The following KLHL12 variants were observed in gnomAD, a reference collection of about 807,000 sequenced individuals.
KLHL12 encodes kelch like family member 12.
Under a neutral mutation model 60.8 loss-of-function variants are expected in KLHL12, and 17 were observed. The observed-to-expected ratio is 0.28, with a 90% CI of 0.19 to 0.42. The LOEUF (loss-of-function observed/expected upper bound fraction) is 0.42, where lower values mean the gene tolerates loss of function less well. KLHL12 is among the 10% of genes least tolerant of loss of function. The probability of loss-of-function intolerance (pLI) is 1.00; values close to 1 mark genes in which losing one functional copy is unlikely to be tolerated. For synonymous variants in KLHL12, 220 were observed against 250.9 expected (o/e 0.88, Z 1.16); for missense variants, 468 against 722.3 (o/e 0.65, Z 4.04).
intron 6 of KLHL12, among the ~76,000 whole-genome samples, chr1:202,903,409 C>T (rs2102419979): frequency 7.0e-6 from 1 of 142,524 alleles, no homozygotes. Flanking sequence ...CTTTACTTGC[C>T]CTTCTGCGAA....
rs1335675009 is a variant in KLHL12 at position 202,911,058 on chromosome 1, G to C, written c.713C>G (p.Ala238Gly). ...TPRYITDVID[A>G]EPFIRCSLQC... is the part of the protein sequence containing the mutation. ...TGAGAGTGTTGCACTACTTACCTCA[G>C]CATCTATTACATCTGTGATATACCT... Residue 238 changes from alanine (A) to glycine (G), a missense_variant, in exon 5 of 12, where the codon GCT becomes GGT. Physicochemically the swap from Ala to Gly is moderately conservative, Grantham distance 60. Coordinates refer to ENST00000367261, the MANE Select transcript of KLHL12 (RefSeq NM_021633.4). 1 of 1,613,952 alleles carries C rather than the reference G, an allele frequency of 6.2e-7. No homozygotes were observed. The highest frequency in any genetic ancestry group is 1.7e-5 in the Admixed American group (1 of 59,998).
rs1165987448 is a variant in KLHL12 at position 202,906,181 on chromosome 1, G to A, written c.832+2829C>T. Among the ~76,000 whole-genome samples, 49 of 147,856 alleles carry A rather than the reference G, an allele frequency of 3.3e-4. 1 individual carries two copies. Among genetic ancestry groups the A allele is most frequent in the Admixed American group, 7.4e-4 (11 of 14,902 alleles). ...AAAAACAAAAGTAATGGCCAGGCGC[G>A]GTGGCTCATGCCCGTAATCCCAGCA... is the stretch of plus-strand genomic sequence containing the variant. On this transcript the variant is annotated intron_variant, in intron 6 of 11. Transcript: ENST00000367261.
rs146098295 is a variant in KLHL12, at chr1:202,921,470, C to T, written c.196-1562G>A. Among the ~76,000 whole-genome samples the T allele has an allele frequency of 4.1e-3, 623 of 152,208 alleles. 3 individuals are homozygous for T. Among genetic ancestry groups the T allele is most frequent in the African/African-American group, 0.014 (598 of 41,536 alleles). Reference sequence around the variant, plus strand: ...GATTACAGGCGTGAGCCACCATGCCCGGCCCTTAGACTGCATTTAGTAATG... The same window carrying T: ...GATTACAGGCGTGAGCCACCATGCCTGGCCCTTAGACTGCATTTAGTAATG... On this transcript the variant is annotated intron_variant, in intron 2 of 11. Transcript: ENST00000367261.
intron 6 of KLHL12, among the ~76,000 whole-genome samples, chr1:202,903,624 C>CTTTTTTT (rs1660086940): frequency 4.1e-5 from 1 of 24,480 alleles, no homozygotes; most frequent in East Asian, 2.0e-3. Flanking sequence ...TAATTTTTTT[C>CTTTTTTT]TTTTCTTTTT....
chr1:202,927,228 C>G lies in KLHL12; in HGVS notation c.-185G>C, dbSNP rs1284816366. The G allele has an allele frequency of 1.0e-6, 1 of 984,930 alleles. No homozygotes were observed. 61.0% of individuals were successfully genotyped at this position (984,930 alleles called of 1,614,324 possible). A position where few individuals can be genotyped will look rare whatever the true frequency, so the allele number is the denominator to read the frequency against. ...AGGCTCTGGAGGCTCTGGAGCCGTC[C>G]GGGTCTGGCCCCTGCGGCCGCGCGA... On this transcript the variant is annotated 5_prime_UTR_variant, in exon 1 of 12. Transcript: ENST00000367261.
chr1:202,892,705 A>G (rs1181346608), intron 11 of KLHL12, 46 bp from the exon 12 acceptor site: 1 of 1,600,536 alleles, frequency 6.2e-7, no homozygotes, highest in Non-Finnish European at 8.5e-7. Context: ...AGCTGCGTGC[A>G]GTGGCACGTG....
upstream of KLHL12, among the ~76,000 whole-genome samples, chr1:202,928,221 G>A (rs1653709723): frequency 6.8e-6 from 1 of 147,600 alleles, no homozygotes; most frequent in African/African-American, 2.5e-5. Context: ...GTTGCAGTGA[G>A]CTGAGATCGC....
chr1:202,913,811 C>T (rs1236693047), intron 4 of KLHL12, among the ~76,000 whole-genome samples: 3 of 152,188 alleles, frequency 2.0e-5, no homozygotes, highest in African/African-American at 7.2e-5. Flanking sequence ...AATGCATTGT[C>T]CAATACACTA....
At chr1:202,904,370 ATTT>A (rs914110115) in intron 6 of KLHL12, among the ~76,000 whole-genome samples, 2 of 33,170 alleles carry the variant, frequency 6.0e-5, no homozygotes, top group African/African-American at 1.5e-4. Context: ...TTTGTATATG[ATTT>A]TTTTATTTAT....
chr1:202,925,233 A>C, intron 1 of KLHL12, 26 bp from the exon 2 acceptor site: 1 of 1,595,878 alleles, frequency 6.3e-7, no homozygotes, highest in Non-Finnish European at 8.5e-7. Context: ...AAAAACAATG[A>C]GCATATTCAA....
intron 4 of KLHL12, among the ~76,000 whole-genome samples, chr1:202,915,398 G>T (rs1460065347): frequency 2.0e-5 from 3 of 152,008 alleles, no homozygotes; most frequent in Admixed American, 6.5e-5. Flanking sequence ...TTTCTGGCTG[G>T]TATAGGGAAC....
intron 2 of KLHL12, among the ~76,000 whole-genome samples, chr1:202,921,045 C>G (rs1469535692): frequency 6.6e-6 from 1 of 152,124 alleles, no homozygotes; most frequent in African/African-American, 2.4e-5. Context: ...GGGTCTTGCT[C>G]TGTTCCCCAG....
At chr1:202,912,182 A>G (rs1571532770) in intron 4 of KLHL12, 3 of 913,876 alleles carry the variant, frequency 3.3e-6, no homozygotes, top group Non-Finnish European at 5.4e-6. Context: ...CACCTAAGAG[A>G]TAATTTGAAC....
rs1008465565 is a variant in KLHL12 at position 202,918,397 on chromosome 1, G to A, written c.350-9C>T. ...GCAGGCTTGTTTCACACCTAGGACA[G>A]ACACAGGCAGCAAACACTTTAGAAT... On this transcript the variant is annotated splice_polypyrimidine_tract_variant and intron_variant, in intron 3 of 11. Transcript: ENST00000367261. 1 of 1,606,012 alleles carries A rather than the reference G, an allele frequency of 6.2e-7. No individual in the cohort carries two copies. The highest frequency in any genetic ancestry group is 1.3e-5 in the African/African-American group (1 of 74,766).
At chr1:202,892,838 A>G (rs1216010365) in intron 11 of KLHL12, among the ~76,000 whole-genome samples, 179 bp from the exon 12 acceptor site, 1 of 152,068 alleles carries the variant, frequency 6.6e-6, no homozygotes, top group Non-Finnish European at 1.5e-5. Flanking sequence ...GAAAGAAAGA[A>G]AGAAATTAGC....
chr1:202,911,285 C>T, intron 4 of KLHL12, 82 bp from the exon 5 acceptor site: 14 of 1,477,970 alleles, frequency 9.5e-6, no homozygotes, highest in Non-Finnish European at 9.3e-6. Context: ...TTCACTTTTT[C>T]CTTCCTGCTT....
chr1:202,919,131 C>A (rs963649642), intron 3 of KLHL12, among the ~76,000 whole-genome samples: 1 of 152,148 alleles, frequency 6.6e-6, no homozygotes, highest in African/African-American at 2.4e-5. Context: ...TGGCATGCAC[C>A]TGTGGTCCCA....
intron 6 of KLHL12, among the ~76,000 whole-genome samples, chr1:202,900,950 G>A (rs1163363164): frequency 6.6e-6 from 1 of 152,122 alleles, no homozygotes; most frequent in Non-Finnish European, 1.5e-5. Context: ...GGAGGCTGAG[G>A]CAGGAGAATC....
chr1:202,912,377 T>C, intron 4 of KLHL12: 2 of 796,012 alleles, frequency 2.5e-6, no homozygotes, highest in South Asian at 2.7e-5. Context: ...AGATGGCTAG[T>C]GCTTCATCCA....
Sources: allele counts gnomAD v4.1 joint callset (sites outside exome capture counted in the v4.1 genomes callset), GRCh38; gene constraint gnomAD v4.1.1; transcripts MANE v1.5; gene names NCBI Gene and HGNC (gene_info 2026-07-23, HGNC 2026-07-21).